Variants in SERPINB1 observed in about 807,000 individuals in gnomAD.
The protein encoded by SERPINB1 is leukocyte elastase inhibitor.
Under a neutral mutation model 25.9 loss-of-function variants are expected in SERPINB1, and 23 were observed. That is an observed-to-expected ratio of 0.89 (90% confidence interval 0.64 to 1.26). SERPINB1 has a LOEUF of 1.26. Ranked by LOEUF, SERPINB1 falls within the 50% of genes most tolerant of loss-of-function variation. SERPINB1 has a pLI of 0.00. For synonymous variants in SERPINB1, 178 were observed against 178.7 expected, an observed-to-expected ratio of 1.00 and a Z score of 0.03; for missense variants, 399 against 463.6, an observed-to-expected ratio of 0.86 and a Z score of 1.28.
intron 1 of SERPINB1, 51 bp from the exon 2 acceptor site, chr6:2,840,645 T>C: frequency 5.3e-6 from 8 of 1,514,942 alleles, no homozygotes; most frequent in Non-Finnish European, 7.1e-6. Context: ...CGCCAGCAGA[T>C]TAGGCAGCAC....
In SERPINB1 at chr6:2,837,002, C is replaced by CTAT. The variant is rs1332786629; in HGVS notation, c.425-755_425-753dup. Reference sequence around the variant, plus strand: ...CTGGAGTGGGTTGACTAATACAGGGCTATGTAAGAAGAGAGATGTAGCAAA... The same window carrying CTAT: ...CTGGAGTGGGTTGACTAATACAGGGCTATTATGTAAGAAGAGAGATGTAGCAAA... On this transcript the variant is annotated intron_variant, in intron 4 of 6. Transcript: ENST00000380739. This position sits in a 1 kb window ranked among gnomAD's most constrained non-coding sequence, Gnocchi z 4.3. Among the ~76,000 whole-genome samples the CTAT allele has an allele frequency of 6.6e-6, 1 of 152,124 alleles. No individual in the cohort carries two copies. Among genetic ancestry groups the CTAT allele is most frequent in the Non-Finnish European group, 1.5e-5 (1 of 68,028 alleles).
At chr6:2,839,995 T>C (rs1766601808) in intron 2 of SERPINB1, among the ~76,000 whole-genome samples, 1 of 152,244 alleles carries the variant, frequency 6.6e-6, no homozygotes, top group Non-Finnish European at 1.5e-5. Flanking sequence ...CTATGTCTTA[T>C]TCCTCTCATT....
chr6:2,837,887 G>A lies in SERPINB1; in HGVS notation c.419C>T (p.Thr140Ile), dbSNP rs1348048481. 1 of 1,610,772 alleles carries A rather than the reference G, an allele frequency of 6.2e-7. No individual in the cohort carries two copies. Among genetic ancestry groups the A allele is most frequent in the South Asian group, 1.1e-5 (1 of 90,996 alleles). Reference protein sequence around the residue: ...KTINQWVKGQTEGKIPELLAS... With the variant: ...KTINQWVKGQIEGKIPELLAS... ...CATTCTGCCCAGGCTCTCACCTTCT[G>A]TCTGTCCTTTGACCCACTGGTTTAT... The change falls in exon 4 of 7, where the codon ACA becomes ATA. Residue 140 changes from threonine (T) to isoleucine (I), a missense_variant. Transcript: ENST00000380739. This position sits in a 1 kb window ranked among gnomAD's most constrained non-coding sequence, Gnocchi z 4.3.
At position 2,841,703 on chromosome 6, in the gene SERPINB1, G is replaced by C. The variant is rs1766660929; in HGVS notation, c.-9+109C>G. The stretch of plus-strand genomic sequence containing the variant: ...GGCGAGCGCAGGGAGCTGCGGGTCT[G>C]AGGGGCCTGAGCCTGGGGGGTGGGG... On this transcript the variant is annotated intron_variant, in intron 1 of 6. Transcript: ENST00000380739. This position sits in a 1 kb window ranked among gnomAD's most constrained non-coding sequence, Gnocchi z 4.5. 6.6e-6 allele frequency: 1 copy of C among 152,188 alleles called. No homozygotes were observed. The highest frequency in any genetic ancestry group is 2.4e-5 in the African/African-American group (1 of 41,360). 9.4% of individuals were successfully genotyped at this position (152,188 alleles called of 1,614,324 possible). A position where few individuals can be genotyped will look rare whatever the true frequency, so the allele number is the denominator to read the frequency against.
rs200746466 is a variant in SERPINB1, at chr6:2,840,601, C to T, written c.-8-7G>A. 6.6e-4 allele frequency: 1,060 copies of T among 1,606,794 alleles called. 5 individuals are homozygous for T. The African/African-American group carries it at 0.013, about 19-fold the overall frequency. On this transcript the variant is annotated splice_polypyrimidine_tract_variant and splice_region_variant and intron_variant, in intron 1 of 6. Transcript: ENST00000380739. ...AGCTGCTCCATGGTGAAAACTGCAA[C>T]ACAGAACAGGGTCCTCATGGTGCCC...
Position 2,837,792 on chromosome 6 carries a change from G to T in SERPINB1, c.424+90C>A. Reference sequence around the variant, plus strand: ...ATGTGCGCCAGGACTGTGGGAGCTGGGGAGGGAATAACTGCAGGTAGGGAA... The same window carrying T: ...ATGTGCGCCAGGACTGTGGGAGCTGTGGAGGGAATAACTGCAGGTAGGGAA... On this transcript the variant is annotated intron_variant, in intron 4 of 6. Transcript: ENST00000380739. The surrounding 1 kb of genome is among the most constrained non-coding windows in gnomAD (Gnocchi z 4.3). The T allele has an allele frequency of 1.1e-6, 1 of 937,800 alleles. No individual in the cohort carries two copies. Among genetic ancestry groups the T allele is most frequent in the Non-Finnish European group, 1.7e-6 (1 of 574,150 alleles). The allele number at this position is 937,800 out of a possible 1,614,324, so 58.1% of individuals were successfully genotyped here.
chr6:2,840,824 CCAGGGTGCCCTAAAGGGCTCTGACCTTG>C (rs1766627998), intron 1 of SERPINB1, among the ~76,000 whole-genome samples: 1 of 152,100 alleles, frequency 6.6e-6, no homozygotes, highest in African/African-American at 2.4e-5. Context: ...TTTAGGGCAC[CCAGGGTGCCCTAAAGGGCTCTGACCTTG>C]CAGACAGGTG....
In SERPINB1 at chr6:2,836,260, A is replaced by T. The variant is rs1489064342; in HGVS notation, c.425-10T>A. 3.8e-6 allele frequency: 6 copies of T among 1,587,068 alleles called. No individual in the cohort carries two copies. The highest frequency in any genetic ancestry group is 5.1e-6 in the Non-Finnish European group (6 of 1,170,158). ...AGTTCCGGAATTTTTCCTAAAAAAA[A>T]ATCAAGTTAGCGTAAAAAAAATCCA... is the stretch of plus-strand genomic sequence containing the variant. On this transcript the variant is annotated splice_polypyrimidine_tract_variant and intron_variant, in intron 4 of 6. Transcript: ENST00000380739.
chr6:2,835,884 A>T lies in SERPINB1; in HGVS notation c.707T>A (p.Ile236Asn). The change falls in exon 6 of 7, where the codon ATT becomes AAT. Residue 236 changes from isoleucine (I) to asparagine (N), a missense_variant. Transcript: ENST00000380739. ...LSMVILLPDD[I>N]EDESTGLKKI... ...CTTCAGGCCCGTGGACTCGTCCTCAATGTCATCCGGCAGCAGGATGACCAT... is the reference window on the plus strand; with the variant it reads ...CTTCAGGCCCGTGGACTCGTCCTCATTGTCATCCGGCAGCAGGATGACCAT... 1 of 1,614,152 alleles carries T rather than the reference A, an allele frequency of 6.2e-7. No homozygotes were observed. Among genetic ancestry groups the T allele is most frequent in the Non-Finnish European group, 8.5e-7 (1 of 1,180,030 alleles).
Position 2,832,768 on chromosome 6 carries a change from C to G in SERPINB1, c.*840G>C, listed in dbSNP as rs1005436151. 1.3e-4 allele frequency: 19 copies of G among 149,364 alleles called. No homozygotes were observed. The highest frequency in any genetic ancestry group is 4.0e-4 in the African/African-American group (16 of 40,120). 9.3% of individuals were successfully genotyped at this position (149,364 alleles called of 1,614,324 possible). A position where few individuals can be genotyped will look rare whatever the true frequency, so the allele number is the denominator to read the frequency against. ...GTTGCGGTGAGCTGAGATCGTGCCA[C>G]TGCACTCCAGCCTGGGTAACAGAGC... On this transcript the variant is annotated 3_prime_UTR_variant, in exon 7 of 7. Transcript: ENST00000380739.
At position 2,837,983 on chromosome 6, in the gene SERPINB1, G is replaced by A; in HGVS notation, c.323C>T (p.Thr108Ile). ...YNFLPEFLVS[T>I]QKTYGADLAS... The stretch of plus-strand genomic sequence containing the variant: ...CAGGTCAGCACCATATGTTTTCTGA[G>A]TCGAAACCAAGAACTCCTATTAAAA... Residue 108 changes from threonine (T) to isoleucine (I), a missense_variant, in exon 4 of 7, where the codon ACT becomes ATT. Coordinates refer to ENST00000380739, the MANE Select transcript of SERPINB1 (RefSeq NM_030666.4). This position sits in a 1 kb window ranked among gnomAD's most constrained non-coding sequence, Gnocchi z 4.3. The A allele has an allele frequency of 6.2e-7, 1 of 1,612,558 alleles. No homozygotes were observed. The highest frequency in any genetic ancestry group is 8.5e-7 in the Non-Finnish European group (1 of 1,179,292).
Position 2,836,044 on chromosome 6 carries a change from A to G in SERPINB1, c.568-21T>C, listed in dbSNP as rs375238342. On this transcript the variant is annotated intron_variant, in intron 5 of 6. Transcript: ENST00000380739. ...TCTTTCTGAACAGTTTTAAAAAATCACTGAAATTATTCTCTGCATTCTTTT... is the reference window on the plus strand; with the variant it reads ...TCTTTCTGAACAGTTTTAAAAAATCGCTGAAATTATTCTCTGCATTCTTTT... The G allele has an allele frequency of 2.2e-5, 36 of 1,613,788 alleles. No individual in the cohort carries two copies. The African/African-American group carries it at 4.3e-4, about 19-fold the overall frequency.
intron 2 of SERPINB1, 46 bp downstream of exon 2, chr6:2,840,373 T>G: frequency 6.2e-7 from 1 of 1,607,388 alleles, no homozygotes; most frequent in Non-Finnish European, 8.5e-7. Flanking sequence ...TGTCCATTCG[T>G]AGGGAGATGG....
chr6:2,838,464 A>T, intron 3 of SERPINB1, 85 bp downstream of exon 3: 1 of 1,251,972 alleles, frequency 8.0e-7, no homozygotes, highest in Non-Finnish European at 1.1e-6. Context: ...TACAAATATT[A>T]AAACTGACCT....
At position 2,833,614 on chromosome 6, in the gene SERPINB1, G is replaced by A; in HGVS notation, c.1134C>T (p.Ser378=). 3 of 1,602,364 alleles carry A rather than the reference G, an allele frequency of 1.9e-6. No individual in the cohort carries two copies. Among genetic ancestry groups the A allele is most frequent in the African/African-American group, 2.7e-5 (2 of 74,376 alleles). The change falls in exon 7 of 7, where the codon TCC becomes TCT. Residue 378 remains serine (S), a synonymous_variant. Coordinates refer to ENST00000380739, the MANE Select transcript of SERPINB1 (RefSeq NM_030666.4). ...TTGCTACAGTCTCTTTCTTCTAAGG[G>A]GAAGAAAATCTCCCCAAGAATAGGA... ...GSILFLGRFS[S]P is the part of the protein sequence containing the mutation.
intron 1 of SERPINB1, among the ~76,000 whole-genome samples, chr6:2,840,872 G>C (rs962767765): frequency 2.6e-5 from 4 of 152,168 alleles, no homozygotes; most frequent in African/African-American, 9.7e-5. Flanking sequence ...GAGTCTGGGG[G>C]TGGGGCGGGG....
intron 6 of SERPINB1, among the ~76,000 whole-genome samples, chr6:2,835,017 A>G (rs1046674236): frequency 2.0e-5 from 3 of 152,246 alleles, no homozygotes; most frequent in Non-Finnish European, 4.4e-5. Context: ...ACAATCAGAA[A>G]AAAAACTAAT....
Position 2,838,589 on chromosome 6 carries a change from G to A in SERPINB1, c.266C>T (p.Ala89Val). 6.2e-7 allele frequency: 1 copy of A among 1,607,522 alleles called. No homozygotes were observed. The highest frequency in any genetic ancestry group is 1.1e-5 in the South Asian group (1 of 89,558). ...KRGASYILKL[A>V]NRLYGEKTYN... is the part of the protein sequence containing the mutation. ...AGTTTTCTCTCCATATAATCTATTA[G>A]CAAGTTTCAGAATATAAGACGCTCC... Residue 89 changes from alanine to valine, a missense_variant, in exon 3 of 7, where the codon GCT becomes GTT. Transcript: ENST00000380739.
At chr6:2,834,468 A>G (rs1292355463) in intron 6 of SERPINB1, among the ~76,000 whole-genome samples, 1 of 150,190 alleles carries the variant, frequency 6.7e-6, no homozygotes, top group Admixed American at 6.6e-5. Context: ...CCATCCATTC[A>G]CCTATCCACC....
Sources: gnomAD v4.1 joint callset for allele counts (sites outside exome capture counted in the v4.1 genomes callset) on GRCh38, gnomAD v4.1.1 for gene constraint, Gnocchi (gnomAD v3.1) non-coding constraint, MANE v1.5 for transcripts, NCBI Gene and HGNC (gene_info 2026-07-23, HGNC 2026-07-21) for gene names.